Variants in CTNNA2 observed in about 807,000 individuals in gnomAD.
CTNNA2 encodes catenin alpha 2.
CTNNA2 carries 42 observed loss-of-function variants against 101.0 expected under a neutral mutation model. The observed-to-expected ratio is 0.42, with a 90% CI of 0.32 to 0.54. CTNNA2 has a LOEUF of 0.54. Ranked by LOEUF, CTNNA2 falls within the 20% of genes least tolerant of loss-of-function variation. The pLI is 0.14. For synonymous variants in CTNNA2, 450 were observed against 456.4 expected, an observed-to-expected ratio of 0.99 and a Z score of 0.18; for missense variants, 871 against 1,223.1, an observed-to-expected ratio of 0.71 and a Z score of 4.29.
intron 1 of CTNNA2, among the ~76,000 whole-genome samples, chr2:79,532,413 T>C (rs1476323979): frequency 6.6e-6 from 1 of 152,136 alleles, no homozygotes; most frequent in Non-Finnish European, 1.5e-5. Context: ...TATATTATAA[T>C]TGTGCTATTT....
intron 3 of CTNNA2, among the ~76,000 whole-genome samples, chr2:79,833,397 C>G (rs1020083498): frequency 1.3e-5 from 2 of 152,146 alleles, no homozygotes; most frequent in African/African-American, 4.8e-5. Context: ...CTGCCTTTGT[C>G]AGACTTCTTG....
intron 16 of CTNNA2, among the ~76,000 whole-genome samples, chr2:80,606,590 T>C (rs1698051947): frequency 6.6e-6 from 1 of 151,948 alleles, no homozygotes; most frequent in African/African-American, 2.4e-5. Context: ...AAAAAAATGT[T>C]ATCAAATTCT....
At chr2:79,785,672 G>A (rs940614608) in intron 3 of CTNNA2, among the ~76,000 whole-genome samples, 9 of 152,048 alleles carry the variant, frequency 5.9e-5, no homozygotes, top group African/African-American at 2.2e-4. Flanking sequence ...GTGTGTGTTT[G>A]TTTGGTGCCT....
intron 7 of CTNNA2, among the ~76,000 whole-genome samples, chr2:80,347,792 G>C (rs1672885764): frequency 6.6e-6 from 1 of 151,504 alleles, no homozygotes; most frequent in Non-Finnish European, 1.5e-5. Context: ...ATTTTAACAA[G>C]ATCCCCAGCT....
intron 9 of CTNNA2, among the ~76,000 whole-genome samples, chr2:80,431,576 C>T (rs902854036): frequency 6.6e-6 from 1 of 152,100 alleles, no homozygotes; most frequent in African/African-American, 2.4e-5. Context: ...CAGTGGTTTC[C>T]CAGGTGGCCT....
intron 9 of CTNNA2, among the ~76,000 whole-genome samples, chr2:80,495,921 C>G (rs1226550994): frequency 2.7e-5 from 3 of 111,290 alleles, no homozygotes; most frequent in African/African-American, 1.1e-4. Flanking sequence ...GCCTGGGCGG[C>G]AGAGCAAGAC....
At position 79,977,343 on chromosome 2, in the gene CTNNA2, C is replaced by T. The variant is rs185028123; in HGVS notation, c.1056+67546C>T. Among the ~76,000 whole-genome samples the T allele has an allele frequency of 1.8e-4, 27 of 151,926 alleles. No individual in the cohort carries two copies. The East Asian group carries it at 3.7e-3, about 21-fold the overall frequency. ...TGCACTCCAAGGGACATGTGGTAAA[C>T]GTCAAGCATTTTTGGTTCCCAAAAC... On this transcript the variant is annotated intron_variant, in intron 7 of 18. Transcript: ENST00000402739.
intron 7 of CTNNA2, among the ~76,000 whole-genome samples, chr2:80,045,878 G>A (rs935701192): frequency 6.6e-6 from 1 of 152,050 alleles, no homozygotes; most frequent in Non-Finnish European, 1.5e-5. Context: ...TATTTTTTCA[G>A]TTTAATCAAC....
chr2:79,485,129 T>C (rs556352395), intron 4 of CTNNA2, among the ~76,000 whole-genome samples: 4 of 152,310 alleles, frequency 2.6e-5, no homozygotes, highest in African/African-American at 9.6e-5. Flanking sequence ...GTTGTTAACT[T>C]TGTGTAGTAG....
rs79052908 is a variant in CTNNA2 at position 79,278,887 on chromosome 2, G to C, written c.-405-33822G>C. 5.7e-3 allele frequency among the ~76,000 whole-genome samples: 869 copies of C among 152,216 alleles called. 5 individuals are homozygous for C. Among genetic ancestry groups the C allele is most frequent in the African/African-American group, 0.02 (825 of 41,544 alleles). On this transcript the variant is annotated intron_variant, in intron 2 of 21. Coordinates refer to the CTNNA2 transcript ENST00000466387. ...GGATAGGACTACAGTATGGCATAGAGAATGTATCTGGGAAAGGAGAACAAG... is the reference window on the plus strand; with the variant it reads ...GGATAGGACTACAGTATGGCATAGACAATGTATCTGGGAAAGGAGAACAAG...
intron 7 of CTNNA2, among the ~76,000 whole-genome samples, chr2:80,149,353 T>G (rs113740165): frequency 1.3e-3 from 205 of 152,306 alleles, no homozygotes; most frequent in African/African-American, 4.5e-3. Flanking sequence ...ATGAGAAGTC[T>G]GTAGAAACGC....
At chr2:80,631,335 G>T (rs1672265818) in intron 18 of CTNNA2, among the ~76,000 whole-genome samples, 1 of 149,048 alleles carries the variant, frequency 6.7e-6, no homozygotes, top group African/African-American at 2.5e-5. Flanking sequence ...GCATGAACTT[G>T]AGGCTTTCTT....
chr2:79,983,128 A>T (rs897700579), intron 7 of CTNNA2, among the ~76,000 whole-genome samples: 1 of 149,534 alleles, frequency 6.7e-6, no homozygotes, highest in African/African-American at 2.4e-5. Flanking sequence ...TTTTATATAT[A>T]TATGTGTATA....
intron 7 of CTNNA2, among the ~76,000 whole-genome samples, chr2:80,392,673 A>G (rs1039384651): frequency 1.3e-5 from 2 of 152,186 alleles, no homozygotes; most frequent in African/African-American, 2.4e-5. Context: ...GCATTCCACT[A>G]CATGACAGAG....
chr2:79,323,241 C>T (rs1026894971), intron 3 of CTNNA2, among the ~76,000 whole-genome samples: 3 of 152,138 alleles, frequency 2.0e-5, no homozygotes, highest in African/African-American at 7.2e-5. Context: ...AAGCAGATTC[C>T]TCACATAGGA....
At chr2:79,208,868 T>A (rs914616502) in intron 2 of CTNNA2, among the ~76,000 whole-genome samples, 10 of 152,230 alleles carry the variant, frequency 6.6e-5, no homozygotes, top group African/African-American at 2.4e-4. Flanking sequence ...TTTATATTAC[T>A]CTTGTTTCCT....
rs776430147 is a variant in CTNNA2 at position 79,744,501 on chromosome 2, G to A, written c.217G>A (p.Glu73Lys). The change falls in exon 3 of 19, where the codon GAA becomes AAA. Residue 73 changes from glutamate (E) to lysine (K), a missense_variant. Physicochemically the swap from Glu to Lys is moderately conservative, Grantham distance 56. This residue lies in a region of CTNNA2 where 647 missense variants were observed against 831.5 expected (regional missense o/e 0.78). Coordinates refer to ENST00000402739, the MANE Select transcript of CTNNA2 (RefSeq NM_001282597.3). ...SVEQATQNFL[E>K]KGEQIAKESQ... ...AGAGCAAGCCACTCAGAATTTCCTG[G>A]AAAAGGGTGAACAGATCGCTAAGGA... 1.2e-6 allele frequency: 2 copies of A among 1,614,002 alleles called. No homozygotes were observed. Among genetic ancestry groups the A allele is most frequent in the Non-Finnish European group, 1.7e-6 (2 of 1,179,928 alleles).
chr2:79,727,272 A>G (rs1448671998), intron 2 of CTNNA2, among the ~76,000 whole-genome samples: 25 of 152,194 alleles, frequency 1.6e-4, no homozygotes, highest in Non-Finnish European at 8.8e-5. Flanking sequence ...AACACATGAA[A>G]ACCAAAGAAA....
intron 4 of CTNNA2, among the ~76,000 whole-genome samples, chr2:79,399,934 T>A (rs1334508927): frequency 6.6e-6 from 1 of 152,040 alleles, no homozygotes; most frequent in Non-Finnish European, 1.5e-5. Flanking sequence ...GGAAGTTTAT[T>A]TTGCCAAAGT....
Sources: gnomAD v4.1 joint callset for allele counts (sites outside exome capture counted in the v4.1 genomes callset) on GRCh38, gnomAD v4.1.1 for gene constraint, gnomAD v4.1.1 regional missense constraint, MANE v1.5 for transcripts, NCBI Gene and HGNC (gene_info 2026-07-23, HGNC 2026-07-21) for gene names.